Variants in PARD3 observed in about 807,000 individuals in gnomAD.
PARD3 encodes the protein par-3 family cell polarity regulator.
PARD3 carries 75 observed loss-of-function variants against 155.4 expected under a neutral mutation model. That is an observed-to-expected ratio of 0.48 (90% CI 0.40 to 0.58). The LOEUF (loss-of-function observed/expected upper bound fraction) is 0.58. Among genes scored for constraint, PARD3 ranks in the 20% least tolerant of loss-of-function variants. The pLI is 0.00. For synonymous variants in PARD3, 576 were observed against 610.5 expected, an observed-to-expected ratio of 0.94 and a Z score of 0.83; for missense variants, 1,642 against 1,721.7, an observed-to-expected ratio of 0.95 and a Z score of 0.82.
At chr10:34,133,617 T>C (rs1286269641) in intron 22 of PARD3, among the ~76,000 whole-genome samples, 2 of 152,334 alleles carry the variant, frequency 1.3e-5, no homozygotes, top group East Asian at 3.9e-4. Context: ...GCCAGGGTTC[T>C]GCTGGCTGCA....
At position 34,772,868 on chromosome 10, in the gene PARD3, G is replaced by A. The variant is rs571768122; in HGVS notation, c.120+42008C>T. On this transcript the variant is annotated intron_variant, in intron 1 of 24. Transcript: ENST00000374788. ...TATTCTCAACGGAGCAAGAAAGCCTGTAATAAATACCTTTGCAAATACAGA... is the reference window on the plus strand; with the variant it reads ...TATTCTCAACGGAGCAAGAAAGCCTATAATAAATACCTTTGCAAATACAGA... Among the ~76,000 whole-genome samples, 6 of 150,592 alleles carry A rather than the reference G, an allele frequency of 4.0e-5. No individual in the cohort carries two copies. The South Asian group carries it at 1.0e-3, about 26-fold the overall frequency.
At chr10:34,622,159 CATCT>C (rs1335236971) in intron 2 of PARD3, among the ~76,000 whole-genome samples, 1 of 152,140 alleles carries the variant, frequency 6.6e-6, no homozygotes, top group East Asian at 1.9e-4. Flanking sequence ...CAATATTACA[CATCT>C]ATTAGAAATA....
intron 3 of PARD3, among the ~76,000 whole-genome samples, chr10:34,473,685 T>C (rs1488192528): frequency 6.6e-6 from 1 of 152,154 alleles, no homozygotes; most frequent in Non-Finnish European, 1.5e-5. Flanking sequence ...TCAAACACAC[T>C]CACCAGCTGT....
At chr10:34,617,528 T>C (rs1421323417) in intron 2 of PARD3, among the ~76,000 whole-genome samples, 1 of 152,214 alleles carries the variant, frequency 6.6e-6, no homozygotes, top group Non-Finnish European at 1.5e-5. Context: ...GTGACTGATA[T>C]ACTACTTACC....
chr10:34,663,969 T>C (rs1564476687), intron 2 of PARD3: 1 of 152,320 alleles, frequency 6.6e-6, no homozygotes. Context: ...GCCCTGGTGT[T>C]GCTTCGTCTT....
At chr10:34,135,204 C>T (rs1947828598) in intron 22 of PARD3, among the ~76,000 whole-genome samples, 1 of 152,200 alleles carries the variant, frequency 6.6e-6, no homozygotes, top group Non-Finnish European at 1.5e-5. Flanking sequence ...CAGAGAGATA[C>T]TTTCTGTATA....
chr10:34,294,499 T>C (rs900989198), intron 20 of PARD3, among the ~76,000 whole-genome samples: 3 of 152,248 alleles, frequency 2.0e-5, no homozygotes, highest in Non-Finnish European at 4.4e-5. Flanking sequence ...GATCTCATTA[T>C]CTGTAAAGTT....
intron 2 of PARD3, among the ~76,000 whole-genome samples, chr10:34,526,082 A>C (rs1307675997): frequency 2.2e-5 from 1 of 46,296 alleles, no homozygotes; most frequent in East Asian, 5.5e-4. Flanking sequence ...CTCCGTATCA[A>C]AAAAAAAAAA....
At chr10:34,261,793 GA>G (rs1414103810) in intron 22 of PARD3, among the ~76,000 whole-genome samples, 1 of 52,466 alleles carries the variant, frequency 1.9e-5, no homozygotes, top group East Asian at 4.7e-4. Context: ...AAGAAAGAAA[GA>G]AAGAAAGAAA....
At chr10:34,645,603 C>A (rs1564455641) in intron 2 of PARD3, among the ~76,000 whole-genome samples, 1 of 152,208 alleles carries the variant, frequency 6.6e-6, no homozygotes, top group Non-Finnish European at 1.5e-5. Flanking sequence ...AAACAGGTAT[C>A]TCTTACCATC....
chr10:34,549,935 A>G (rs2084404239), intron 2 of PARD3, among the ~76,000 whole-genome samples: 1 of 152,066 alleles, frequency 6.6e-6, no homozygotes, highest in Non-Finnish European at 1.5e-5. Context: ...CCAGGCCCAG[A>G]GAGCTGGACA....
In PARD3 at chr10:34,347,960, C is replaced by G; in HGVS notation, c.2218+5G>C. The G allele has an allele frequency of 6.2e-7, 1 of 1,606,990 alleles. No homozygotes were observed. The highest frequency in any genetic ancestry group is 8.5e-7 in the Non-Finnish European group (1 of 1,176,558). The stretch of plus-strand genomic sequence containing the variant: ...ATGTGATAAACAGAGTTTTACCTGA[C>G]TCACCCATTATCCTACTGAGGGCAG... On this transcript the variant is annotated splice_donor_5th_base_variant and intron_variant, in intron 15 of 24. Transcript: ENST00000374788.
rs147747008 is a variant in PARD3, at chr10:34,111,142, G to C, written c.*27C>G. On this transcript the variant is annotated 3_prime_UTR_variant, in exon 25 of 25. Transcript: ENST00000374788. ...CATAGGAAAATGTCTTTTATTGCGCGACATGAAGCATCCGTTATTTGCGTG... is the reference window on the plus strand; with the variant it reads ...CATAGGAAAATGTCTTTTATTGCGCCACATGAAGCATCCGTTATTTGCGTG... 3.3e-6 allele frequency: 5 copies of C among 1,516,970 alleles called. No individual in the cohort carries two copies. In the East Asian group the frequency reaches 1.1e-4, roughly 35 times the overall value. The allele number at this position is 1,516,970 out of a possible 1,614,324, so 94.0% of individuals were successfully genotyped here.
chr10:34,728,100 C>T (rs988807551), intron 1 of PARD3, among the ~76,000 whole-genome samples: 1 of 152,144 alleles, frequency 6.6e-6, no homozygotes, highest in Admixed American at 6.5e-5. Context: ...CGAGGCTTCA[C>T]AGTATGTATG....
chr10:34,649,928 GAC>G (rs138875561), intron 2 of PARD3, among the ~76,000 whole-genome samples: 1 of 149,936 alleles, frequency 6.7e-6, no homozygotes, highest in Admixed American at 6.6e-5. Context: ...GAAAAACTAA[GAC>G]ACACACACAC....
At chr10:34,434,991 T>A (rs2076117752) in intron 5 of PARD3, among the ~76,000 whole-genome samples, 1 of 152,142 alleles carries the variant, frequency 6.6e-6, no homozygotes, top group African/African-American at 2.4e-5. Context: ...TAGGACAAGT[T>A]GACATATAAG....
At chr10:34,681,800 T>TTTA (rs2093847642) in intron 2 of PARD3, among the ~76,000 whole-genome samples, 1 of 85,864 alleles carries the variant, frequency 1.2e-5, no homozygotes, top group African/African-American at 4.3e-5. Flanking sequence ...TTTTTTTTTT[T>TTTA]AAGTAAGACA....
At chr10:34,160,901 T>G (rs1430495561) in intron 22 of PARD3, among the ~76,000 whole-genome samples, 1 of 152,136 alleles carries the variant, frequency 6.6e-6, no homozygotes, top group African/African-American at 2.4e-5. Context: ...GAAGATTTAA[T>G]TATCCCATAT....
At chr10:34,417,115 G>A (rs1466059821) in intron 5 of PARD3, among the ~76,000 whole-genome samples, 1 of 152,078 alleles carries the variant, frequency 6.6e-6, no homozygotes, top group Non-Finnish European at 1.5e-5. Flanking sequence ...CCAGCCCTCT[G>A]CCCACCAAAT....
Sources: gnomAD v4.1 joint callset for allele counts (sites outside exome capture counted in the v4.1 genomes callset) on GRCh38, gnomAD v4.1.1 for gene constraint, MANE v1.5 for transcripts, NCBI Gene and HGNC (gene_info 2026-07-23, HGNC 2026-07-21) for gene names.